RP1: variants seen among roughly 807,000 people sequenced by gnomAD.
RP1 encodes RP1 axonemal microtubule associated, also known as oxygen-regulated protein 1.
RP1 carries 16 observed loss-of-function variants against 14.8 expected under a neutral mutation model. The observed-to-expected ratio is 1.08, with a 90% CI of 0.73 to 1.65. The LOEUF (loss-of-function observed/expected upper bound fraction) is 1.65, where lower values mean the gene tolerates loss of function less well. RP1 is among the 40% of genes most tolerant of loss of function. The pLI is 0.00. For synonymous variants in RP1, 876 were observed against 883.6 expected, an observed-to-expected ratio of 0.99 and a Z score of 0.15; for missense variants, 2,631 against 2,535.0, an observed-to-expected ratio of 1.04 and a Z score of -0.81.
At chr8:54,641,696 C>G (rs999667363) in intron 3 of RP1, among the ~76,000 whole-genome samples, 8 of 152,060 alleles carry the variant, frequency 5.3e-5, no homozygotes, top group Non-Finnish European at 1.2e-4. Context: ...CTAATTGATG[C>G]AAAAGAGGTA....
Position 54,629,285 on chromosome 8 carries a change from C to G in RP1, c.5403C>G (p.Ser1801=), listed in dbSNP as rs2129318189. 6.2e-7 allele frequency: 1 copy of G among 1,613,652 alleles called. No homozygotes were observed. The highest frequency in any genetic ancestry group is 1.3e-5 in the African/African-American group (1 of 75,032). ...LAPGPTMDEL[S]SSELEELTQP... ...CAGGCCCAACGATGGATGAACTCTC[C>G]TCTTCAGAACTCGAGGAACTGACTC... Residue 1801 remains serine, a synonymous_variant, in exon 4 of 4, where the codon TCC becomes TCG. Coordinates refer to ENST00000220676, the MANE Select transcript of RP1 (RefSeq NM_006269.2).
At chr8:54,864,773 G>A (rs1202435654) in intron 27 of RP1, among the ~76,000 whole-genome samples, 2 of 152,180 alleles carry the variant, frequency 1.3e-5, no homozygotes, top group African/African-American at 4.8e-5. Context: ...TACAATAAAT[G>A]TTGATAAGTG....
At chr8:54,745,486 CA>C (rs2129361577) in intron 19 of RP1, among the ~76,000 whole-genome samples, 1 of 152,132 alleles carries the variant, frequency 6.6e-6, no homozygotes, top group African/African-American at 2.4e-5. Flanking sequence ...TTCTAAGAAA[CA>C]AAAATGAGTT....
intron 1 of RP1, among the ~76,000 whole-genome samples, chr8:54,578,281 A>C (rs979795169): frequency 2.0e-5 from 3 of 152,130 alleles, no homozygotes; most frequent in Non-Finnish European, 4.4e-5. Flanking sequence ...ATCATAGCTT[A>C]TTGCAGCCTT....
In RP1 at chr8:54,626,929, A is replaced by G; in HGVS notation, c.3047A>G (p.Tyr1016Cys). 1.2e-6 allele frequency: 2 copies of G among 1,613,986 alleles called. No individual in the cohort carries two copies. The highest frequency in any genetic ancestry group is 1.7e-6 in the Non-Finnish European group (2 of 1,179,970). Residue 1016 changes from tyrosine (Y) to cysteine (C), a missense_variant, in exon 4 of 4, where the codon TAT (tyrosine) becomes TGT (cysteine). Transcript: ENST00000220676. ...CAGGTTGGATCTCTGAATGATGCTT[A>G]TTTGGTTCCCCTGCATGAACACTGT... The part of the protein sequence containing the change: ...ETQVGSLNDA[Y>C]LVPLHEHCTL...
downstream of RP1, among the ~76,000 whole-genome samples, chr8:54,634,856 C>T (rs865946745): frequency 2.0e-5 from 3 of 152,022 alleles, no homozygotes; most frequent in Non-Finnish European, 2.9e-5. Context: ...CCAAGGTGGG[C>T]GGATCACGAG....
At chr8:54,678,481 G>A in exon 9 of RP1, 3 of 1,534,376 alleles carry the variant, frequency 2.0e-6, no homozygotes, top group Non-Finnish European at 2.6e-6. Flanking sequence ...GTTTCTTGAT[G>A]ATGTTGTTAT....
At chr8:54,583,169 G>A (rs1195850030) in intron 1 of RP1, among the ~76,000 whole-genome samples, 5 of 152,100 alleles carry the variant, frequency 3.3e-5, no homozygotes, top group Non-Finnish European at 7.4e-5. Flanking sequence ...TTTGAGATAC[G>A]TCCTATCAAT....
At chr8:54,849,787 T>C (rs1247132530) in intron 25 of RP1, among the ~76,000 whole-genome samples, 2 of 152,192 alleles carry the variant, frequency 1.3e-5, no homozygotes, top group Non-Finnish European at 2.9e-5. Flanking sequence ...ACATTAAACA[T>C]GCTGAGCTTT....
chr8:54,590,604 A>G (rs111767274), intron 1 of RP1, among the ~76,000 whole-genome samples: 3,733 of 152,280 alleles, frequency 0.025, 53 homozygotes, highest in Non-Finnish European at 0.037. Context: ...ACCTTGCTTG[A>G]AAAGCCCAAG....
At position 54,621,333 on chromosome 8, in the gene RP1, C is replaced by A; in HGVS notation, c.367C>A (p.Arg123Ser). Reference protein sequence around the residue: ...QPVDLDKARRRPRPWLSSRAI... With the variant: ...QPVDLDKARRSPRPWLSSRAI... ...TGTAGACCTGGACAAAGCCCGTCGG[C>A]GCCCGCGGCCCTGGCTCAGCAGCCG... The change falls in exon 2 of 4, where the codon CGC becomes AGC. Residue 123 changes from arginine (R) to serine (S), a missense_variant. Arg to Ser is a moderately radical substitution (Grantham distance 110). Coordinates refer to ENST00000220676, the MANE Select transcript of RP1 (RefSeq NM_006269.2). The A allele has an allele frequency of 6.2e-7, 1 of 1,611,790 alleles. No homozygotes were observed. Among genetic ancestry groups the A allele is most frequent in the Non-Finnish European group, 8.5e-7 (1 of 1,178,924 alleles).
chr8:54,660,125 C>T (rs1563340309), intron 6 of RP1, among the ~76,000 whole-genome samples: 2 of 152,050 alleles, frequency 1.3e-5, no homozygotes. Flanking sequence ...AACCTGCAAA[C>T]AGCGATAATC....
At chr8:54,677,132 G>T (rs934518491) in intron 8 of RP1, among the ~76,000 whole-genome samples, 5 of 151,300 alleles carry the variant, frequency 3.3e-5, no homozygotes, top group African/African-American at 9.7e-5. Context: ...GGCTATTCTG[G>T]TTTACCTATG....
At chr8:54,805,489 C>T (rs1276895027) in intron 24 of RP1, among the ~76,000 whole-genome samples, 1 of 152,152 alleles carries the variant, frequency 6.6e-6, no homozygotes, top group East Asian at 1.9e-4. Flanking sequence ...ATTTCACACC[C>T]ATGACTTGAA....
intron 17 of RP1, among the ~76,000 whole-genome samples, chr8:54,729,103 C>T (rs1379093989): frequency 2.0e-5 from 3 of 152,006 alleles, no homozygotes; most frequent in Admixed American, 6.6e-5. Flanking sequence ...ACATTCAAAC[C>T]GAATATAAAA....
At chr8:54,693,642 T>C (rs1176456692) in intron 12 of RP1, among the ~76,000 whole-genome samples, 1 of 152,192 alleles carries the variant, frequency 6.6e-6, no homozygotes, top group Non-Finnish European at 1.5e-5. Context: ...TGTATAAGAA[T>C]GCTTGTGATT....
At chr8:54,637,931 A>C (rs1364269435) in intron 3 of RP1, among the ~76,000 whole-genome samples, 1 of 152,136 alleles carries the variant, frequency 6.6e-6, no homozygotes, top group Non-Finnish European at 1.5e-5. Flanking sequence ...TTTTTCTTGA[A>C]GGCATTCCTT....
chr8:54,757,124 A>G lies in RP1; in HGVS notation c.3093+1354A>G, dbSNP rs574037310. ...TGCTTGGGATATAATGGAAATGCCAAATAATTTCATGAGTTTTGTAGTCCA... is the reference window on the plus strand; with the variant it reads ...TGCTTGGGATATAATGGAAATGCCAGATAATTTCATGAGTTTTGTAGTCCA... On this transcript the variant is annotated intron_variant, in intron 21 of 22. Coordinates refer to the RP1 transcript ENST00000636932. 4.6e-5 allele frequency among the ~76,000 whole-genome samples: 7 copies of G among 152,302 alleles called. No homozygotes were observed. The East Asian group carries it at 9.6e-4, about 21-fold the overall frequency.
intron 18 of RP1, among the ~76,000 whole-genome samples, chr8:54,735,551 G>A (rs886951657): frequency 3.3e-5 from 5 of 152,134 alleles, no homozygotes; most frequent in African/African-American, 1.2e-4. Context: ...AGGAACCCAA[G>A]GCTATTTGGG....
Sources: gnomAD v4.1 joint callset for allele counts (sites outside exome capture counted in the v4.1 genomes callset) on GRCh38, gnomAD v4.1.1 for gene constraint, MANE v1.5 for transcripts, NCBI Gene and HGNC (gene_info 2026-07-23, HGNC 2026-07-21) for gene names.